The following CDH19 variants were observed in gnomAD, a reference collection of about 807,000 sequenced individuals.
The protein encoded by CDH19 is cadherin 19, also known as cadherin-19.
In CDH19, 67 loss-of-function variants were observed where a neutral mutation model predicts 64.2. The ratio of observed to expected loss-of-function variants is 1.04; its 90% CI spans 0.86 to 1.28. CDH19 has a LOEUF of 1.28. Ranked by LOEUF, CDH19 falls within the 50% of genes most tolerant of loss-of-function variation. The pLI is 0.00. For synonymous variants in CDH19, 346 were observed against 319.3 expected (o/e 1.08, Z -0.89); for missense variants, 1,030 against 929.0 (o/e 1.11, Z -1.41).
intron 3 of CDH19, among the ~76,000 whole-genome samples, chr18:66,561,806 T>A (rs1389687011): frequency 6.6e-6 from 1 of 152,124 alleles, no homozygotes; most frequent in East Asian, 1.9e-4. Flanking sequence ...CTTATTCTGA[T>A]AATAAACATA....
intron 1 of CDH19, among the ~76,000 whole-genome samples, chr18:66,585,480 T>C (rs1988550651): frequency 6.6e-6 from 1 of 152,072 alleles, no homozygotes; most frequent in Admixed American, 6.6e-5. Context: ...GTTGTCTCAG[T>C]TGTCTCATGT....
At chr18:66,568,737 G>A (rs199648133) in intron 2 of CDH19, 27 bp from the exon 3 acceptor site, 1 of 1,541,974 alleles carries the variant, frequency 6.5e-7, no homozygotes, top group Non-Finnish European at 8.7e-7. Flanking sequence ...GGATCATTTA[G>A]TTTCCAAACA....
At chr18:66,534,675 C>T (rs1006595565) in intron 8 of CDH19, among the ~76,000 whole-genome samples, 1 of 151,560 alleles carries the variant, frequency 6.6e-6, no homozygotes, top group African/African-American at 2.4e-5. Flanking sequence ...ATTTACAACC[C>T]GAAAACGAAA....
chr18:66,528,391 A>G (rs1029113729), intron 9 of CDH19, among the ~76,000 whole-genome samples: 1 of 152,146 alleles, frequency 6.6e-6, no homozygotes, highest in Non-Finnish European at 1.5e-5. Flanking sequence ...TTTCTAAAAT[A>G]GTTCAATTTT....
chr18:66,549,754 T>C (rs1476257069), intron 5 of CDH19, among the ~76,000 whole-genome samples: 1 of 152,132 alleles, frequency 6.6e-6, no homozygotes, highest in Non-Finnish European at 1.5e-5. Flanking sequence ...CACTGAGTAG[T>C]TGTCTGTATC....
At chr18:66,563,612 C>A (rs1415887726) in intron 3 of CDH19, among the ~76,000 whole-genome samples, 1 of 151,936 alleles carries the variant, frequency 6.6e-6, no homozygotes, top group African/African-American at 2.4e-5. Context: ...ATAGGTATAT[C>A]TGCTCACTCC....
chr18:66,576,751 A>G (rs1988277903), intron 1 of CDH19, among the ~76,000 whole-genome samples: 1 of 151,670 alleles, frequency 6.6e-6, no homozygotes, highest in African/African-American at 2.4e-5. Context: ...AGAAATGAGA[A>G]GCATCTAGAT....
At chr18:66,530,408 T>C (rs9962870) in intron 8 of CDH19, among the ~76,000 whole-genome samples, 3,255 of 152,204 alleles carry the variant, frequency 0.021, 133 homozygotes, top group African/African-American at 0.074. Flanking sequence ...AAATTACTTG[T>C]GTAAGGTTAT....
intron 7 of CDH19, among the ~76,000 whole-genome samples, chr18:66,542,242 G>A (rs1986915373): frequency 6.6e-6 from 1 of 152,078 alleles, no homozygotes; most frequent in African/African-American, 2.4e-5. Flanking sequence ...CGTATCAGAA[G>A]GCAACATTTT....
intron 9 of CDH19, among the ~76,000 whole-genome samples, chr18:66,512,624 AT>A (rs1190856503): frequency 2.0e-5 from 3 of 151,542 alleles, no homozygotes; most frequent in African/African-American, 7.2e-5. Flanking sequence ...CTCCACATTG[AT>A]TTATTTTTAA....
chr18:66,567,348 A>G (rs1434897796), intron 3 of CDH19, among the ~76,000 whole-genome samples: 1 of 151,388 alleles, frequency 6.6e-6, no homozygotes, highest in Non-Finnish European at 1.5e-5. Flanking sequence ...GGAAAGGAGT[A>G]GAAGGTGGAG....
chr18:66,561,398 C>T (rs969184167), intron 3 of CDH19, among the ~76,000 whole-genome samples: 9 of 152,056 alleles, frequency 5.9e-5, no homozygotes, highest in African/African-American at 2.2e-4. Context: ...CAGGATAGCA[C>T]ACAAAATGAA....
At chr18:66,529,753 T>C in intron 9 of CDH19, 92 bp downstream of exon 9, 1 of 459,852 alleles carries the variant, frequency 2.2e-6, no homozygotes, top group South Asian at 4.6e-5. Flanking sequence ...TGATATCTAT[T>C]ATATAACAAT....
intron 11 of CDH19, among the ~76,000 whole-genome samples, chr18:66,507,475 A>G (rs1985257424): frequency 1.3e-5 from 2 of 151,886 alleles, no homozygotes; most frequent in South Asian, 4.1e-4. Flanking sequence ...AGGCAAGAGC[A>G]GAGTTTAGAC....
intron 9 of CDH19, among the ~76,000 whole-genome samples, chr18:66,520,195 C>G (rs986212449): frequency 4.0e-5 from 6 of 151,828 alleles, no homozygotes; most frequent in Non-Finnish European, 8.8e-5. Flanking sequence ...AAACAAAAAA[C>G]AAACAAACAA....
intron 3 of CDH19, among the ~76,000 whole-genome samples, chr18:66,562,439 AG>A (rs1987757781): frequency 6.6e-6 from 1 of 152,050 alleles, no homozygotes; most frequent in African/African-American, 2.4e-5. Context: ...CTGATCTGAC[AG>A]GAGGCGGAGC....
intron 1 of CDH19, among the ~76,000 whole-genome samples, chr18:66,577,237 C>T (rs1309974253): frequency 2.6e-5 from 4 of 151,750 alleles, no homozygotes; most frequent in Admixed American, 2.0e-4. Flanking sequence ...CTTACATGCT[C>T]ATTCTATAAT....
intron 3 of CDH19, among the ~76,000 whole-genome samples, chr18:66,564,330 A>G (rs755391495): frequency 2.4e-4 from 37 of 152,054 alleles, no homozygotes; most frequent in Non-Finnish European, 4.7e-4. Flanking sequence ...AAGCTTCCTT[A>G]AATAGTAAGG....
chr18:66,519,038 C>T (rs939611425), intron 9 of CDH19, among the ~76,000 whole-genome samples: 2 of 152,100 alleles, frequency 1.3e-5, no homozygotes, highest in Non-Finnish European at 2.9e-5. Context: ...AAAAAATCAA[C>T]CTCTATAACA....
Sources: gnomAD v4.1 joint callset for allele counts (sites outside exome capture counted in the v4.1 genomes callset) on GRCh38, gnomAD v4.1.1 for gene constraint, MANE v1.5 for transcripts, NCBI Gene and HGNC (gene_info 2026-07-23, HGNC 2026-07-21) for gene names.